The following LANCL1 variants were observed in gnomAD, a reference collection of about 807,000 sequenced individuals.
LANCL1 encodes LanC like glutathione S-transferase 1.
A neutral mutation model predicts 50.6 loss-of-function variants in LANCL1; 50 were observed. That is an observed-to-expected ratio of 0.99 (90% CI 0.79 to 1.25). The LOEUF is 1.25. LANCL1 is among the 50% of genes most tolerant of loss of function. LANCL1 has a pLI of 0.00. For missense variants in LANCL1, 532 were observed against 480.7 expected (o/e 1.11, Z -1.00); for synonymous variants, 188 against 178.6 (o/e 1.05, Z -0.42).
In LANCL1 at chr2:210,471,354, A is replaced by G. The variant is rs527413815; in HGVS notation, c.199+605T>C. ...GCCACTGCGCCCAGCCTCTTCTTTG[A>G]TTTTTCTCTTTCTCACCTTTTTTTG... is the stretch of plus-strand genomic sequence containing the variant. On this transcript the variant is annotated intron_variant, in intron 3 of 9. Coordinates refer to ENST00000450366, the MANE Select transcript of LANCL1 (RefSeq NM_006055.3). Among the ~76,000 whole-genome samples, 12 of 143,930 alleles carry G rather than the reference A, an allele frequency of 8.3e-5. No individual in the cohort carries two copies. The South Asian group carries it at 2.5e-3, about 30-fold the overall frequency. The allele number at this position is 143,930 out of a possible 152,430, so 94.4% of individuals were successfully genotyped here. A position where few individuals can be genotyped will look rare whatever the true frequency, so the allele number is the denominator to read the frequency against.
intron 3 of LANCL1, among the ~76,000 whole-genome samples, chr2:210,455,611 G>A (rs927901518): frequency 2.0e-5 from 3 of 152,066 alleles, no homozygotes; most frequent in Non-Finnish European, 4.4e-5. Flanking sequence ...AGTCTTTGTT[G>A]TACTCTGGTT....
chr2:210,477,350 T>C (rs1248364907), upstream of LANCL1: 1 of 245,390 alleles, frequency 4.1e-6, no homozygotes, highest in Non-Finnish European at 6.8e-6. Flanking sequence ...TAAAAAATAC[T>C]GAAAACCAAC....
chr2:210,453,840 C>T (rs1693581019), intron 4 of LANCL1, among the ~76,000 whole-genome samples: 1 of 152,134 alleles, frequency 6.6e-6, no homozygotes, highest in Non-Finnish European at 1.5e-5. Context: ...ACACTTTAAA[C>T]TTTGGGGGAA....
chr2:210,441,032 C>T (rs1693113116), intron 5 of LANCL1, among the ~76,000 whole-genome samples: 1 of 152,170 alleles, frequency 6.6e-6, no homozygotes, highest in Non-Finnish European at 1.5e-5. Context: ...AGGAGATCCT[C>T]CATCTGGGAG....
Position 210,471,433 on chromosome 2 carries a change from T to C in LANCL1, c.199+526A>G, listed in dbSNP as rs148570077. On this transcript the variant is annotated intron_variant, in intron 3 of 9. Coordinates refer to ENST00000450366, the MANE Select transcript of LANCL1 (RefSeq NM_006055.3). Reference sequence around the variant, plus strand: ...TCCTCCAGCCTCTCAATGATTGAGATTGGCAATGCAGCAATTGCAAACCAA... The same window carrying C: ...TCCTCCAGCCTCTCAATGATTGAGACTGGCAATGCAGCAATTGCAAACCAA... 2.4e-3 allele frequency: 867 copies of C among 365,898 alleles called. 9 individuals are homozygous for C. Among genetic ancestry groups the C allele is most frequent in the African/African-American group, 0.017 (786 of 47,042 alleles). The allele number at this position is 365,898 out of a possible 1,614,324, so 22.7% of individuals were successfully genotyped here.
chr2:210,440,566 C>T (rs1339062017), intron 6 of LANCL1, 32 bp downstream of exon 6: 1 of 1,591,202 alleles, frequency 6.3e-7, no homozygotes, highest in Non-Finnish European at 8.5e-7. Context: ...TCAGGAAGGA[C>T]ATTTTAAAAT....
At chr2:210,470,099 TG>T (rs1382515964) in intron 3 of LANCL1, among the ~76,000 whole-genome samples, 2 of 152,206 alleles carry the variant, frequency 1.3e-5, no homozygotes, top group Non-Finnish European at 2.9e-5. Flanking sequence ...AACTGTGCGC[TG>T]TGCTTGTCCT....
chr2:210,476,519 A>G, intron 1 of LANCL1, 101 bp downstream of exon 1: 1 of 1,409,968 alleles, frequency 7.1e-7, no homozygotes, highest in Non-Finnish European at 9.3e-7. Context: ...CTCCAGGGCC[A>G]TCGAGCCGTC....
intron 3 of LANCL1, among the ~76,000 whole-genome samples, chr2:210,464,454 G>A (rs1176823984): frequency 1.8e-5 from 2 of 108,740 alleles, no homozygotes; most frequent in African/African-American, 6.1e-5. Context: ...GGGTCTACTC[G>A]TACACAGATT....
At chr2:210,468,868 A>G (rs1209027645) in intron 3 of LANCL1, 1 of 152,234 alleles carries the variant, frequency 6.6e-6, no homozygotes, top group East Asian at 1.9e-4. Context: ...AGAAAAATAC[A>G]GTTATTTAAA....
chr2:210,472,734 TTA>T (rs1348656759), intron 2 of LANCL1, among the ~76,000 whole-genome samples: 1 of 152,190 alleles, frequency 6.6e-6, no homozygotes, highest in African/African-American at 2.4e-5. Context: ...CATAACTTCT[TTA>T]TGTTTCAAAT....
intron 4 of LANCL1, among the ~76,000 whole-genome samples, chr2:210,445,710 CATTT>C (rs1489833124): frequency 2.6e-5 from 4 of 152,236 alleles, no homozygotes; most frequent in Admixed American, 6.5e-5. Flanking sequence ...GTTGCAGCTT[CATTT>C]ATTTGTTTTG....
chr2:210,463,011 T>C (rs769402987), intron 3 of LANCL1, among the ~76,000 whole-genome samples: 11 of 152,192 alleles, frequency 7.2e-5, no homozygotes, highest in Non-Finnish European at 1.0e-4. Flanking sequence ...TAAACTCATA[T>C]GTAGAGGCTG....
chr2:210,466,629 T>C (rs1395753041), intron 3 of LANCL1, among the ~76,000 whole-genome samples: 1 of 152,204 alleles, frequency 6.6e-6, no homozygotes, highest in Admixed American at 6.5e-5. Context: ...ACCATGCTTG[T>C]GTCTCTAAGT....
intron 2 of LANCL1, among the ~76,000 whole-genome samples, chr2:210,475,592 C>T (rs1303552635): frequency 1.3e-5 from 2 of 152,154 alleles, no homozygotes; most frequent in Admixed American, 6.5e-5. Flanking sequence ...CTTGATTTCC[C>T]AAAGTGTCGG....
At chr2:210,461,932 T>TCAA (rs1170819408) in intron 3 of LANCL1, among the ~76,000 whole-genome samples, 1 of 152,238 alleles carries the variant, frequency 6.6e-6, no homozygotes, top group Non-Finnish European at 1.5e-5. Context: ...GAAGGAATCT[T>TCAA]TTTGATTAAA....
intron 3 of LANCL1, among the ~76,000 whole-genome samples, chr2:210,466,113 T>C (rs1004143001): frequency 7.2e-5 from 11 of 152,174 alleles, no homozygotes; most frequent in Admixed American, 6.5e-4. Flanking sequence ...CACCAATGCT[T>C]TCTCCTTGAT....
chr2:210,462,118 G>A (rs141842893), intron 3 of LANCL1, among the ~76,000 whole-genome samples: 137 of 152,210 alleles, frequency 9.0e-4, no homozygotes, highest in African/African-American at 3.1e-3. Flanking sequence ...GTAGCATTAC[G>A]TTCTCTGGTG....
intron 3 of LANCL1, among the ~76,000 whole-genome samples, chr2:210,465,539 A>C (rs1694026613): frequency 6.6e-6 from 1 of 152,232 alleles, no homozygotes; most frequent in South Asian, 2.1e-4. Context: ...AGCAGGCACA[A>C]AAACCTTGCA....
Sources: allele counts gnomAD v4.1 joint callset (sites outside exome capture counted in the v4.1 genomes callset), GRCh38; gene constraint gnomAD v4.1.1; transcripts MANE v1.5; gene names NCBI Gene and HGNC (gene_info 2026-07-23, HGNC 2026-07-21).